Variants in GLT1D1 observed in about 807,000 individuals in gnomAD.
GLT1D1 encodes glycosyltransferase 1 domain containing 1.
Under a neutral mutation model 28.7 loss-of-function variants are expected in GLT1D1, and 21 were observed. The ratio of observed to expected loss-of-function variants is 0.73; its 90% confidence interval spans 0.52 to 1.05. GLT1D1 has a LOEUF of 1.05. Ranked by LOEUF, GLT1D1 falls within the 50% of genes least tolerant of loss-of-function variation. The probability of loss-of-function intolerance (pLI) is 0.00; values close to 1 mark genes in which losing one functional copy is unlikely to be tolerated. For synonymous variants in GLT1D1, 147 were observed against 124.8 expected (o/e 1.18, Z -1.19); for missense variants, 343 against 330.6 (o/e 1.04, Z -0.29).
chr12:128,973,179 G>GTTTTTTT lies in GLT1D1; in HGVS notation c.640-9729_640-9723dup, dbSNP rs61169176. Among the ~76,000 whole-genome samples the GTTTTTTT allele has an allele frequency of 4.5e-4, 23 of 50,956 alleles. 6 individuals are homozygous for GTTTTTTT. Among genetic ancestry groups the GTTTTTTT allele is most frequent in the South Asian group, 1.9e-3 (2 of 1,076 alleles). 33.4% of individuals were successfully genotyped at this position (50,956 alleles called of 152,430 possible). ...CTTTTCTGTTTTGTTTGTTTGCTTGGTTTTTTTTTTTTTTTTTTTTTTTTT... is the reference window on the plus strand; with the variant it reads ...CTTTTCTGTTTTGTTTGTTTGCTTGGTTTTTTTTTTTTTTTTTTTTTTTTTTTTTTTT... On this transcript the variant is annotated intron_variant, in intron 7 of 7. Transcript: ENST00000281703.
rs967880718 is a variant in GLT1D1 at position 128,984,368 on chromosome 12, T to C, written c.*1278T>C. ...AATGGCACAACCTACATCTTGTTTT[T>C]AAAAGAAGTAGCCTCAAATTAAACT... On this transcript the variant is annotated 3_prime_UTR_variant, in exon 8 of 8. Coordinates refer to ENST00000281703, the MANE Select transcript of GLT1D1 (RefSeq NM_144669.3). 3.9e-5 allele frequency: 6 copies of C among 152,116 alleles called. No homozygotes were observed. Among genetic ancestry groups the C allele is most frequent in the African/African-American group, 7.2e-5 (3 of 41,406 alleles). 9.4% of individuals were successfully genotyped at this position (152,116 alleles called of 1,614,324 possible).
chr12:128,962,924 A>G (rs1458212713), intron 7 of GLT1D1, among the ~76,000 whole-genome samples: 1 of 151,824 alleles, frequency 6.6e-6, no homozygotes, highest in Non-Finnish European at 1.5e-5. Context: ...CTGGTCTGGA[A>G]CTCCTGATCT....
chr12:128,856,554 A>G (rs1389740923), intron 1 of GLT1D1, among the ~76,000 whole-genome samples: 1 of 152,166 alleles, frequency 6.6e-6, no homozygotes, highest in East Asian at 1.9e-4. Context: ...AGAGGCTGTC[A>G]CTGAGATCTG....
At chr12:128,946,492 A>G (rs1014854559) in intron 5 of GLT1D1, among the ~76,000 whole-genome samples, 1 of 148,778 alleles carries the variant, frequency 6.7e-6, no homozygotes, top group Non-Finnish European at 1.5e-5. Context: ...GACTACAGGC[A>G]CCCGCCGCTG....
chr12:128,936,411 C>T (rs1413536026), intron 4 of GLT1D1, among the ~76,000 whole-genome samples: 3 of 152,208 alleles, frequency 2.0e-5, no homozygotes, highest in Non-Finnish European at 2.9e-5. Context: ...GTCTCGGCCT[C>T]CCAAAGTGCT....
chr12:128,904,697 G>T (rs903687571), intron 4 of GLT1D1, among the ~76,000 whole-genome samples: 2 of 146,318 alleles, frequency 1.4e-5, no homozygotes, highest in African/African-American at 5.3e-5. Context: ...GCAGTAGTGC[G>T]ATCTCGGCTC....
intron 4 of GLT1D1, among the ~76,000 whole-genome samples, chr12:128,908,745 C>T (rs1192518473): frequency 2.6e-5 from 4 of 151,832 alleles, no homozygotes; most frequent in Non-Finnish European, 5.9e-5. Context: ...GTCAGGAGAT[C>T]GAGACCATCT....
At chr12:128,925,039 TG>T (rs1457185277) in intron 4 of GLT1D1, among the ~76,000 whole-genome samples, 134 of 151,714 alleles carry the variant, frequency 8.8e-4, no homozygotes, top group Non-Finnish European at 1.6e-3. Context: ...AATTGTTTTT[TG>T]TTTTTTTTTT....
chr12:128,887,256 A>T (rs1283251494), intron 2 of GLT1D1, among the ~76,000 whole-genome samples: 5 of 152,070 alleles, frequency 3.3e-5, no homozygotes, highest in African/African-American at 1.2e-4. Flanking sequence ...GCCTCAGGTG[A>T]TCTGCCCTCC....
At chr12:128,944,867 A>G (rs1283585351) in intron 4 of GLT1D1, 3 of 351,178 alleles carry the variant, frequency 8.5e-6, no homozygotes, top group Admixed American at 4.3e-5. Context: ...TTACATAGGT[A>G]TACATGTGCC....
At chr12:128,964,721 A>T (rs1878290805) in intron 7 of GLT1D1, among the ~76,000 whole-genome samples, 1 of 152,148 alleles carries the variant, frequency 6.6e-6, no homozygotes. Context: ...TCACCCTGGC[A>T]TGTTGTGTTA....
chr12:128,872,654 T>C (rs1303078715), intron 1 of GLT1D1, among the ~76,000 whole-genome samples: 3 of 152,152 alleles, frequency 2.0e-5, no homozygotes, highest in South Asian at 2.1e-4. Flanking sequence ...CCCATTCTCA[T>C]GCCACTGACA....
At chr12:128,939,837 A>ACCGCCC (rs1555271943) in intron 4 of GLT1D1, among the ~76,000 whole-genome samples, 2 of 97,600 alleles carry the variant, frequency 2.0e-5, no homozygotes, top group African/African-American at 9.4e-5. Context: ...ATTGTTAGAA[A>ACCGCCC]CCCCCCCCCA....
intron 1 of GLT1D1, among the ~76,000 whole-genome samples, chr12:128,873,919 CT>C (rs1187646884): frequency 9.3e-6 from 1 of 107,358 alleles, no homozygotes; most frequent in Non-Finnish European, 1.9e-5. Context: ...TTCTCTCTTT[CT>C]TTTTCTTTCT....
chr12:128,948,791 CT>C (rs1316914058), intron 6 of GLT1D1, among the ~76,000 whole-genome samples: 1 of 152,114 alleles, frequency 6.6e-6, no homozygotes, highest in African/African-American at 2.4e-5. Flanking sequence ...GAAAAAAATC[CT>C]CTCCTTACAT....
intron 1 of GLT1D1, among the ~76,000 whole-genome samples, chr12:128,869,115 C>T (rs766787153): frequency 1.2e-4 from 18 of 152,198 alleles, no homozygotes; most frequent in Non-Finnish European, 2.1e-4. Context: ...TTGATCCGCC[C>T]GCCTTGGCCT....
intron 6 of GLT1D1, among the ~76,000 whole-genome samples, chr12:128,947,775 C>G (rs1425014572): frequency 6.6e-6 from 1 of 152,158 alleles, no homozygotes; most frequent in East Asian, 1.9e-4. Flanking sequence ...AGACAGGAAA[C>G]AGATTGAAGG....
rs58958037 is a variant in GLT1D1 at position 128,864,416 on chromosome 12, G to A, written c.68+10767G>A. Among the ~76,000 whole-genome samples the A allele has an allele frequency of 3.1e-3, 469 of 152,192 alleles. 2 individuals are homozygous for A. Among genetic ancestry groups the A allele is most frequent in the African/African-American group, 0.011 (451 of 41,512 alleles). On this transcript the variant is annotated intron_variant, in intron 1 of 7. Coordinates refer to ENST00000281703, the MANE Select transcript of GLT1D1 (RefSeq NM_144669.3). ...ATTTCCCAAGCAGAAGGGCTGGTTA[G>A]CGAGGCTGGATGTTGCTAACAGGCC...
intron 1 of GLT1D1, among the ~76,000 whole-genome samples, chr12:128,860,631 T>C (rs957052881): frequency 5.9e-5 from 9 of 152,190 alleles, no homozygotes; most frequent in African/African-American, 2.2e-4. Context: ...CTTAACTAGA[T>C]TGGCTAGTGT....
Sources: allele counts gnomAD v4.1 joint callset (sites outside exome capture counted in the v4.1 genomes callset), GRCh38; gene constraint gnomAD v4.1.1; transcripts MANE v1.5; gene names NCBI Gene and HGNC (gene_info 2026-07-23, HGNC 2026-07-21).